The following SLC9A9 variants were observed in gnomAD, a reference collection of about 807,000 sequenced individuals.
SLC9A9 encodes solute carrier family 9 member A9, also known as sodium/hydrogen exchanger 9.
A neutral mutation model predicts 77.8 loss-of-function variants in SLC9A9; 62 were observed. The ratio of observed to expected loss-of-function variants is 0.80; its 90% CI spans 0.65 to 0.98. The LOEUF (loss-of-function observed/expected upper bound fraction) is 0.98. Among genes scored for constraint, SLC9A9 ranks in the 50% least tolerant of loss-of-function variants. The pLI is 0.00. For synonymous variants in SLC9A9, 320 were observed against 283.5 expected, an observed-to-expected ratio of 1.13 and a Z score of -1.29; for missense variants, 775 against 774.9, an observed-to-expected ratio of 1.00 and a Z score of 0.00.
intron 4 of SLC9A9, among the ~76,000 whole-genome samples, chr3:143,774,888 C>G (rs897924124): frequency 6.6e-6 from 1 of 152,180 alleles, no homozygotes; most frequent in South Asian, 2.1e-4. Context: ...TGCTCGGTTG[C>G]CTCCTCCGTT....
intron 5 of SLC9A9, among the ~76,000 whole-genome samples, chr3:143,691,949 C>G (rs1180765605): frequency 1.3e-5 from 2 of 152,056 alleles, no homozygotes; most frequent in African/African-American, 4.8e-5. Context: ...TATGATGGAT[C>G]AGGCTGACAG....
At chr3:143,443,180 G>A (rs1402126840) in intron 12 of SLC9A9, among the ~76,000 whole-genome samples, 2 of 152,008 alleles carry the variant, frequency 1.3e-5, no homozygotes, top group Non-Finnish European at 2.9e-5. Flanking sequence ...GGGGCTGGGG[G>A]CCAGAATATT....
At chr3:143,771,152 G>C (rs1560072065) in intron 4 of SLC9A9, among the ~76,000 whole-genome samples, 1 of 152,296 alleles carries the variant, frequency 6.6e-6, no homozygotes, top group South Asian at 2.1e-4. Context: ...CTCCCCTGTA[G>C]TGTTCTACTT....
intron 4 of SLC9A9, among the ~76,000 whole-genome samples, chr3:143,744,996 G>C (rs17651169): frequency 0.065 from 9,835 of 152,242 alleles, 360 homozygotes; most frequent in Middle Eastern, 0.075. Context: ...CAATTAACGC[G>C]CATTTGTTCA....
At chr3:143,447,787 T>C (rs760074472) in intron 12 of SLC9A9, among the ~76,000 whole-genome samples, 9 of 152,206 alleles carry the variant, frequency 5.9e-5, no homozygotes, top group Non-Finnish European at 1.0e-4. Context: ...CCCCGCTGTC[T>C]ACCCCAATTT....
At chr3:143,647,954 C>A (rs980260612) in intron 6 of SLC9A9, among the ~76,000 whole-genome samples, 1 of 152,126 alleles carries the variant, frequency 6.6e-6, no homozygotes, top group East Asian at 1.9e-4. Context: ...TCATAAAATG[C>A]CATATTTATG....
At chr3:143,546,145 C>A (rs2036784990) in intron 9 of SLC9A9, among the ~76,000 whole-genome samples, 1 of 152,232 alleles carries the variant, frequency 6.6e-6, no homozygotes, top group Non-Finnish European at 1.5e-5. Context: ...CTATATCTTG[C>A]TGCTCCCATA....
intron 14 of SLC9A9, among the ~76,000 whole-genome samples, chr3:143,277,380 C>A (rs1210199934): frequency 1.3e-5 from 2 of 152,204 alleles, no homozygotes; most frequent in African/African-American, 4.8e-5. Flanking sequence ...TATCCTTGGG[C>A]AGGACCTAGT....
intron 14 of SLC9A9, among the ~76,000 whole-genome samples, chr3:143,360,791 T>C (rs1463001391): frequency 6.6e-6 from 1 of 152,228 alleles, no homozygotes; most frequent in African/African-American, 2.4e-5. Flanking sequence ...AATTCAGTGA[T>C]GTGATTATTA....
chr3:143,320,326 G>GA (rs2031374333), intron 14 of SLC9A9, among the ~76,000 whole-genome samples: 1 of 152,212 alleles, frequency 6.6e-6, no homozygotes, highest in African/African-American at 2.4e-5. Flanking sequence ...TTCCTGTTTA[G>GA]AAGAGGAGGA....
chr3:143,440,602 C>T (rs950789627), intron 12 of SLC9A9, among the ~76,000 whole-genome samples: 5 of 152,266 alleles, frequency 3.3e-5, no homozygotes, highest in African/African-American at 1.2e-4. Context: ...GGGTATCCCA[C>T]CGGGTAAATG....
intron 4 of SLC9A9, among the ~76,000 whole-genome samples, chr3:143,786,989 T>C (rs2008075621): frequency 6.6e-6 from 1 of 152,116 alleles, no homozygotes; most frequent in African/African-American, 2.4e-5. Flanking sequence ...TGAAGACAGC[T>C]GGGAAAAGAG....
At chr3:143,822,880 A>G (rs1263903798) in intron 2 of SLC9A9, among the ~76,000 whole-genome samples, 1 of 152,026 alleles carries the variant, frequency 6.6e-6, no homozygotes, top group Non-Finnish European at 1.5e-5. Context: ...CCCTGCCTTG[A>G]ATCTCTCTCT....
chr3:143,524,258 T>A (rs1410126568), intron 9 of SLC9A9, among the ~76,000 whole-genome samples: 1 of 151,362 alleles, frequency 6.6e-6, no homozygotes, highest in Non-Finnish European at 1.5e-5. Context: ...ATGACCCAAC[T>A]CACTGAGATC....
chr3:143,593,458 T>A (rs1267016283), intron 6 of SLC9A9, among the ~76,000 whole-genome samples: 1 of 152,258 alleles, frequency 6.6e-6, no homozygotes, highest in Non-Finnish European at 1.5e-5. Context: ...GTGTCTCCTC[T>A]GGATTAAGTG....
intron 4 of SLC9A9, among the ~76,000 whole-genome samples, chr3:143,701,238 C>A (rs1018176269): frequency 6.6e-6 from 1 of 152,102 alleles, no homozygotes; most frequent in East Asian, 1.9e-4. Context: ...CTGTTAAATG[C>A]CCAGACAAAG....
At chr3:143,533,655 A>AT (rs2036548607) in intron 9 of SLC9A9, among the ~76,000 whole-genome samples, 1 of 152,180 alleles carries the variant, frequency 6.6e-6, no homozygotes, top group African/African-American at 2.4e-5. Context: ...TATCAGAATC[A>AT]TTTGGAGGTA....
At chr3:143,329,042 G>A (rs1441625001) in intron 14 of SLC9A9, among the ~76,000 whole-genome samples, 1 of 152,202 alleles carries the variant, frequency 6.6e-6, no homozygotes, top group Non-Finnish European at 1.5e-5. Context: ...TGCTCTAAAA[G>A]GGTATCAAAG....
intron 12 of SLC9A9, among the ~76,000 whole-genome samples, chr3:143,395,125 G>A (rs1343917923): frequency 6.6e-6 from 1 of 152,170 alleles, no homozygotes. Context: ...AACCAAAAAA[G>A]AGCCCGCATT....
Sources: allele counts gnomAD v4.1 joint callset (sites outside exome capture counted in the v4.1 genomes callset), GRCh38; gene constraint gnomAD v4.1.1; transcripts MANE v1.5; gene names NCBI Gene and HGNC (gene_info 2026-07-23, HGNC 2026-07-21).